Variants in GNL1 observed in about 807,000 individuals in gnomAD.
The protein encoded by GNL1 is guanine nucleotide-binding protein-like 1.
In GNL1, 21 loss-of-function variants were observed where a neutral mutation model predicts 75.2. The ratio of observed to expected loss-of-function variants is 0.28; its 90% confidence interval spans 0.20 to 0.40. The LOEUF is 0.40. GNL1 is among the 10% of genes least tolerant of loss of function. The probability of loss-of-function intolerance (pLI) is 1.00; values close to 1 mark genes in which losing one functional copy is unlikely to be tolerated. For missense variants in GNL1, 579 were observed against 775.0 expected, an observed-to-expected ratio of 0.75 and a Z score of 3.00; for synonymous variants, 287 against 303.4, an observed-to-expected ratio of 0.95 and a Z score of 0.56.
At position 30,546,993 on chromosome 6, in the gene GNL1, GCTTCATCA is replaced by G; in HGVS notation, c.1441+111_1441+118del. On this transcript the variant is annotated intron_variant, in intron 10 of 11. Coordinates refer to ENST00000376621, the MANE Select transcript of GNL1 (RefSeq NM_005275.5). The surrounding 1 kb of genome is among the most constrained non-coding windows in gnomAD (Gnocchi z 5.1). ...AAAATCTAGGGGTGAGTGGACAGCA[GCTTCATCA>G]ATGGCAGAATCTCTGAGGAGAGGAA... 8.9e-7 allele frequency: 1 copy of G among 1,126,664 alleles called. No individual in the cohort carries two copies. The highest frequency in any genetic ancestry group is 2.3e-5 in the East Asian group (1 of 42,726). 69.8% of individuals were successfully genotyped at this position (1,126,664 alleles called of 1,614,324 possible).
In GNL1 at chr6:30,546,066, AG is replaced by A. The variant is rs149410704; in HGVS notation, c.*5del. 1.7e-4 allele frequency: 270 copies of A among 1,590,136 alleles called. 1 individual carries two copies. The African/African-American group carries it at 2.2e-3, about 13-fold the overall frequency. On this transcript the variant is annotated 3_prime_UTR_variant, in exon 12 of 12. Coordinates refer to ENST00000376621, the MANE Select transcript of GNL1 (RefSeq NM_005275.5). The surrounding 1 kb of genome is among the most constrained non-coding windows in gnomAD (Gnocchi z 5.1). ...CTGGGAGGGAAGATGGCGCTGGGCG[AG>A]GAACTCAGCACTCATCCTCACCCAG...
chr6:30,556,144 C>T lies in GNL1; in HGVS notation c.60G>A (p.Arg20=). The change falls in exon 1 of 12, where the codon CGG becomes CGA. Residue 20 remains arginine, a synonymous_variant. Coordinates refer to ENST00000376621, the MANE Select transcript of GNL1 (RefSeq NM_005275.5). This position sits in a 1 kb window ranked among gnomAD's most constrained non-coding sequence, Gnocchi z 5.7. ...KQKKKQLQDK[R]ERKRGLQDGL... ...TCCCGCACTGACCTCTCTTCCGCTC[C>T]CGTTTGTCCTGCAACTGCTTCTTCT... 6.2e-7 allele frequency: 1 copy of T among 1,603,618 alleles called. No individual in the cohort carries two copies. Among genetic ancestry groups the T allele is most frequent in the Admixed American group, 1.7e-5 (1 of 60,024 alleles).
Position 30,553,405 on chromosome 6 carries a change from G to C in GNL1, c.753C>G (p.Val251=), listed in dbSNP as rs373106261. The part of the protein sequence containing the change: ...YFHQHYPQLH[V]VLFTSFPRDP... The stretch of plus-strand genomic sequence containing the variant: ...CCCGAGGAAAAGAGGTGAAAAGGAC[G>C]ACGTGGAGCTGGGGATAGTGTTGAT... Residue 251 remains valine (V), a synonymous_variant, in exon 6 of 12, where the codon GTC becomes GTG. Coordinates refer to ENST00000376621, the MANE Select transcript of GNL1 (RefSeq NM_005275.5). The C allele has an allele frequency of 4.3e-6, 7 of 1,612,754 alleles. No individual in the cohort carries two copies. The highest frequency in any genetic ancestry group is 1.3e-5 in the African/African-American group (1 of 74,916).
Position 30,556,280 on chromosome 6 carries a change from G to A in GNL1, c.-77C>T. 2 of 1,553,396 alleles carry A rather than the reference G, an allele frequency of 1.3e-6. No homozygotes were observed. The highest frequency in any genetic ancestry group is 1.7e-6 in the Non-Finnish European group (2 of 1,143,000). ...CTGACTGCCCCCCGGGGCAGCCCCC[G>A]CCGCAGGGGCCCGGGACCCTAGAGG... is the stretch of plus-strand genomic sequence containing the variant. On this transcript the variant is annotated 5_prime_UTR_variant, in exon 1 of 12. Coordinates refer to ENST00000376621, the MANE Select transcript of GNL1 (RefSeq NM_005275.5). The surrounding 1 kb of genome is among the most constrained non-coding windows in gnomAD (Gnocchi z 5.7).
Position 30,546,556 on chromosome 6 carries a change from A to G in GNL1, c.1582+140T>C. On this transcript the variant is annotated intron_variant, in intron 11 of 11. Coordinates refer to ENST00000376621, the MANE Select transcript of GNL1 (RefSeq NM_005275.5). This position sits in a 1 kb window ranked among gnomAD's most constrained non-coding sequence, Gnocchi z 5.1. ...AATTATTACCCTCAGTTTGCAGATC[A>G]GGAAAATATCACAGATGTTAAGTAA... 1.3e-6 allele frequency: 1 copy of G among 766,380 alleles called. No homozygotes were observed. Among genetic ancestry groups the G allele is most frequent in the Non-Finnish European group, 2.2e-6 (1 of 457,226 alleles). The allele number at this position is 766,380 out of a possible 1,614,324, so 47.5% of individuals were successfully genotyped here.
rs1210513839 is a variant in GNL1, at chr6:30,547,922, C to T, written c.1100-392G>A. On this transcript the variant is annotated intron_variant, in intron 8 of 11. Transcript: ENST00000376621. The surrounding 1 kb of genome is among the most constrained non-coding windows in gnomAD (Gnocchi z 5.5). Reference sequence around the variant, plus strand: ...CAGTGGCTCACGCTTGTAATCCCAGCGTGATTACTTTGGGAGGCCAAGGCG... The same window carrying T: ...CAGTGGCTCACGCTTGTAATCCCAGTGTGATTACTTTGGGAGGCCAAGGCG... 2.5e-5 allele frequency: 5 copies of T among 196,170 alleles called. 1 individual carries two copies. Among genetic ancestry groups the T allele is most frequent in the South Asian group, 2.0e-4 (2 of 9,786 alleles). The allele number at this position is 196,170 out of a possible 1,614,324, so 12.2% of individuals were successfully genotyped here.
Position 30,547,643 on chromosome 6 carries a change from T to C in GNL1, c.1100-113A>G. 3 of 912,086 alleles carry C rather than the reference T, an allele frequency of 3.3e-6. No homozygotes were observed. The highest frequency in any genetic ancestry group is 5.2e-6 in the Non-Finnish European group (3 of 581,368). The allele number at this position is 912,086 out of a possible 1,614,324, so 56.5% of individuals were successfully genotyped here. On this transcript the variant is annotated intron_variant, in intron 8 of 11. Transcript: ENST00000376621. The surrounding 1 kb of genome is among the most constrained non-coding windows in gnomAD (Gnocchi z 5.5). ...AGGCTCAGAAATTAAGGAAATGGTATTGCAGAATACAAATCACGCTCTGGG... is the reference window on the plus strand; with the variant it reads ...AGGCTCAGAAATTAAGGAAATGGTACTGCAGAATACAAATCACGCTCTGGG...
rs1244865129 is a variant in GNL1 at position 30,544,740 on chromosome 6, C to G, written c.*1332G>C. On this transcript the variant is annotated 3_prime_UTR_variant, in exon 12 of 12. Coordinates refer to ENST00000376621, the MANE Select transcript of GNL1 (RefSeq NM_005275.5). ...ACCTTAGCCTCTTTAAATATACTTT[C>G]CTTTGCTCCTTGGTTAACAGGGTCT... 6.6e-6 allele frequency: 1 copy of G among 152,136 alleles called. No homozygotes were observed. Among genetic ancestry groups the G allele is most frequent in the Non-Finnish European group, 1.5e-5 (1 of 68,012 alleles). 9.4% of individuals were successfully genotyped at this position (152,136 alleles called of 1,614,324 possible).
intron 5 of GNL1, among the ~76,000 whole-genome samples, chr6:30,554,063 C>T (rs933776792): frequency 6.6e-6 from 1 of 152,154 alleles, no homozygotes; most frequent in Non-Finnish European, 1.5e-5. Context: ...TTATTAAGGA[C>T]CTCCAACCTA....
chr6:30,551,849 A>G (rs933323764), intron 8 of GNL1, among the ~76,000 whole-genome samples: 1 of 152,082 alleles, frequency 6.6e-6, no homozygotes, highest in African/African-American at 2.4e-5. Context: ...TCTTAACACT[A>G]TTCCCATCAT....
chr6:30,546,814 G>A lies in GNL1; in HGVS notation c.1464C>T (p.Tyr488=), dbSNP rs1425127360. 1 of 1,591,634 alleles carries A rather than the reference G, an allele frequency of 6.3e-7. No individual in the cohort carries two copies. The highest frequency in any genetic ancestry group is 2.3e-5 in the East Asian group (1 of 44,286). The part of the protein sequence containing the change: ...ICEAWAEKRG[Y]KTAKAARNDV... The stretch of plus-strand genomic sequence containing the variant: ...CATTCCGAGCCGCCTTGGCTGTCTT[G>A]TAACCACGTTTCTCTGCCCAGGCTG... The change falls in exon 11 of 12, where the codon TAC becomes TAT. Residue 488 remains tyrosine (Y), a synonymous_variant. Coordinates refer to ENST00000376621, the MANE Select transcript of GNL1 (RefSeq NM_005275.5). The surrounding 1 kb of genome is among the most constrained non-coding windows in gnomAD (Gnocchi z 5.1).
chr6:30,552,995 G>C lies in GNL1; in HGVS notation c.904+89C>G, dbSNP rs1273973305. The C allele has an allele frequency of 2.3e-6, 2 of 883,118 alleles. No individual in the cohort carries two copies. Among genetic ancestry groups the C allele is most frequent in the Admixed American group, 2.0e-5 (1 of 50,568 alleles). The allele number at this position is 883,118 out of a possible 1,614,324, so 54.7% of individuals were successfully genotyped here. ...CCTCTTGCACATATCCACCATAGAG[G>C]GGTTGGCTTCAGGAAAGGTGAGCAA... On this transcript the variant is annotated intron_variant, in intron 7 of 11. Coordinates refer to ENST00000376621, the MANE Select transcript of GNL1 (RefSeq NM_005275.5). This position sits in a 1 kb window ranked among gnomAD's most constrained non-coding sequence, Gnocchi z 4.5.
At chr6:30,553,215 G>T in intron 6 of GNL1, 36 bp from the exon 7 acceptor site, 2 of 1,517,888 alleles carry the variant, frequency 1.3e-6, no homozygotes, top group Admixed American at 1.7e-5. Context: ...GGGCACACGG[G>T]CTTAGGCCTC....
rs768590494 is a variant in GNL1, at chr6:30,552,708, G to A, written c.905-47C>T. ...TAAAGAGGTTCTCCCCAGGGCTGCT[G>A]TGCATGATGGCACATACTGTGCCCT... is the stretch of plus-strand genomic sequence containing the variant. On this transcript the variant is annotated intron_variant, in intron 7 of 11. Coordinates refer to ENST00000376621, the MANE Select transcript of GNL1 (RefSeq NM_005275.5). The surrounding 1 kb of genome is among the most constrained non-coding windows in gnomAD (Gnocchi z 4.5). The A allele has an allele frequency of 1.9e-5, 29 of 1,533,902 alleles. No individual in the cohort carries two copies. The highest frequency in any genetic ancestry group is 2.4e-5 in the Non-Finnish European group (27 of 1,119,428).
chr6:30,552,371 G>A lies in GNL1; in HGVS notation c.1099+96C>T. ...GCAGAGATCACCCCTCAGACACCCT[G>A]GGGCCTAATGAGACCTGATCGCCCT... On this transcript the variant is annotated intron_variant, in intron 8 of 11. Coordinates refer to ENST00000376621, the MANE Select transcript of GNL1 (RefSeq NM_005275.5). This position sits in a 1 kb window ranked among gnomAD's most constrained non-coding sequence, Gnocchi z 4.5. 9.8e-7 allele frequency: 1 copy of A among 1,023,850 alleles called. No individual in the cohort carries two copies. The highest frequency in any genetic ancestry group is 2.4e-4 in the Middle Eastern group (1 of 4,164). The allele number at this position is 1,023,850 out of a possible 1,614,324, so 63.4% of individuals were successfully genotyped here.
intron 5 of GNL1, among the ~76,000 whole-genome samples, chr6:30,554,098 C>T (rs1394670856): frequency 1.3e-5 from 2 of 152,220 alleles, no homozygotes; most frequent in Non-Finnish European, 2.9e-5. Context: ...ACCTCCCTTT[C>T]TCCCACTGGA....
chr6:30,552,003 C>G lies in GNL1; in HGVS notation c.1099+464G>C, dbSNP rs1213891479. ...TCAGCCTCTGAAGTAGCAGAGACTA[C>G]AGGCACATACCACCACACTTGGCTA... On this transcript the variant is annotated intron_variant, in intron 8 of 11. Transcript: ENST00000376621. The surrounding 1 kb of genome is among the most constrained non-coding windows in gnomAD (Gnocchi z 4.5). 6.6e-6 allele frequency among the ~76,000 whole-genome samples: 1 copy of G among 152,086 alleles called. No individual in the cohort carries two copies. Among genetic ancestry groups the G allele is most frequent in the African/African-American group, 2.4e-5 (1 of 41,388 alleles).
rs1800129250 is a variant in GNL1 at position 30,555,799 on chromosome 6, C to T, written c.74-79G>A. The T allele has an allele frequency of 1.4e-6, 2 of 1,417,258 alleles. No individual in the cohort carries two copies. Among genetic ancestry groups the T allele is most frequent in the Admixed American group, 1.9e-5 (1 of 52,906 alleles). 87.8% of individuals were successfully genotyped at this position (1,417,258 alleles called of 1,614,324 possible). On this transcript the variant is annotated intron_variant, in intron 1 of 11. Transcript: ENST00000376621. The surrounding 1 kb of genome is among the most constrained non-coding windows in gnomAD (Gnocchi z 4.3). ...ACCCTCTCCCCCATCGGCCTGACTC[C>T]CTTTCATCCCACTCAACTTCTTCCG...
chr6:30,554,361 G>A (rs901612974), intron 5 of GNL1, among the ~76,000 whole-genome samples: 2 of 152,170 alleles, frequency 1.3e-5, no homozygotes, highest in African/African-American at 2.4e-5. Flanking sequence ...ACAGGACATG[G>A]CTGTTTTGAA....
Sources: allele counts gnomAD v4.1 joint callset (sites outside exome capture counted in the v4.1 genomes callset), GRCh38; gene constraint gnomAD v4.1.1; non-coding constraint Gnocchi (gnomAD v3.1); transcripts MANE v1.5; gene names NCBI Gene and HGNC (gene_info 2026-07-23, HGNC 2026-07-21).